NCKAP5: variants seen among roughly 807,000 people sequenced by gnomAD.
The protein encoded by NCKAP5 is NCK associated protein 5.
Under a neutral mutation model 167.0 loss-of-function variants are expected in NCKAP5, and 92 were observed. The ratio of observed to expected loss-of-function variants is 0.55; its 90% CI spans 0.47 to 0.66. The LOEUF (loss-of-function observed/expected upper bound fraction) is 0.66. Ranked by LOEUF, NCKAP5 falls within the 30% of genes least tolerant of loss-of-function variation. NCKAP5 has a pLI of 0.00. For synonymous variants in NCKAP5, 891 were observed against 877.4 expected (o/e 1.02, Z -0.27); for missense variants, 2,378 against 2,315.0 (o/e 1.03, Z -0.56).
At chr2:133,650,443 A>G in the NCKAP5 span, among the ~76,000 whole-genome samples, 1 of 152,232 alleles carries the variant, frequency 6.6e-6, no homozygotes, top group African/African-American at 2.4e-5. Context: ...TAAGTATTAC[A>G]CTTCCAGATT....
chr2:133,603,220 TTTTC>T, the NCKAP5 span, among the ~76,000 whole-genome samples: 1 of 116,680 alleles, frequency 8.6e-6, no homozygotes, highest in Non-Finnish European at 1.6e-5. Context: ...TTTTTTTTCT[TTTTC>T]TTTCTTTTTT....
intron 6 of NCKAP5, among the ~76,000 whole-genome samples, chr2:133,121,474 T>A (rs1488845107): frequency 6.6e-6 from 1 of 152,016 alleles, no homozygotes; most frequent in Non-Finnish European, 1.5e-5. Flanking sequence ...GCCGGCAGAG[T>A]CTCCTTTCTT....
chr2:132,794,565 G>C (rs1445981446), intron 12 of NCKAP5, among the ~76,000 whole-genome samples: 1 of 151,508 alleles, frequency 6.6e-6, no homozygotes, highest in African/African-American at 2.4e-5. Flanking sequence ...GAATCAGGGA[G>C]GTGGAGGTTG....
chr2:132,690,441 C>T (rs1472326441), intron 19 of NCKAP5, among the ~76,000 whole-genome samples: 1 of 152,182 alleles, frequency 6.6e-6, no homozygotes, highest in African/African-American at 2.4e-5. Flanking sequence ...GTACAGTTCA[C>T]ATGTGTTTCA....
At chr2:132,811,625 C>G (rs1464148021) in intron 11 of NCKAP5, among the ~76,000 whole-genome samples, 1 of 152,036 alleles carries the variant, frequency 6.6e-6, no homozygotes, top group East Asian at 1.9e-4. Context: ...CCCCCTGCCC[C>G]CTCAACAGCC....
the NCKAP5 span, among the ~76,000 whole-genome samples, chr2:133,663,184 T>C: frequency 6.7e-6 from 1 of 149,328 alleles, no homozygotes; most frequent in Non-Finnish European, 1.5e-5. Flanking sequence ...GAGAATGGCG[T>C]GAACCCGGGA....
At chr2:133,665,172 AT>A in the NCKAP5 span, among the ~76,000 whole-genome samples, 1 of 152,254 alleles carries the variant, frequency 6.6e-6, no homozygotes, top group Non-Finnish European at 1.5e-5. Context: ...AACACTTTTA[AT>A]TTTCTTCAAG....
At chr2:132,980,922 AG>A (rs1240338205) in intron 7 of NCKAP5, among the ~76,000 whole-genome samples, 1 of 152,194 alleles carries the variant, frequency 6.6e-6, no homozygotes, top group Non-Finnish European at 1.5e-5. Context: ...ACAATAAAAA[AG>A]GTTGTAGCAG....
At chr2:133,153,934 G>A (rs927353584) in intron 5 of NCKAP5, among the ~76,000 whole-genome samples, 7 of 148,312 alleles carry the variant, frequency 4.7e-5, no homozygotes, top group African/African-American at 1.8e-4. Flanking sequence ...CCCCCAAGAA[G>A]GGTTCAAGTG....
intron 3 of NCKAP5, among the ~76,000 whole-genome samples, chr2:133,504,600 T>A (rs887120344): frequency 2.6e-5 from 4 of 152,066 alleles, no homozygotes; most frequent in African/African-American, 9.7e-5. Flanking sequence ...AGGTGGCCAA[T>A]AAATGTTACC....
chr2:132,866,122 G>A (rs1172686435), intron 10 of NCKAP5, among the ~76,000 whole-genome samples: 2 of 152,118 alleles, frequency 1.3e-5, no homozygotes, highest in Non-Finnish European at 2.9e-5. Context: ...ACACATCATC[G>A]AAATATGTGT....
chr2:133,442,039 G>A (rs1482512541), intron 3 of NCKAP5, among the ~76,000 whole-genome samples: 2 of 152,094 alleles, frequency 1.3e-5, no homozygotes, highest in East Asian at 3.9e-4. Context: ...AAGACCCACT[G>A]GAGAAACACG....
At chr2:132,998,039 A>G (rs1009294251) in intron 6 of NCKAP5, among the ~76,000 whole-genome samples, 1 of 152,170 alleles carries the variant, frequency 6.6e-6, no homozygotes, top group Non-Finnish European at 1.5e-5. Flanking sequence ...TTTTCTAAAT[A>G]TTAGTCTACT....
intron 6 of NCKAP5, among the ~76,000 whole-genome samples, chr2:133,023,305 G>C (rs2078589574): frequency 6.6e-6 from 1 of 152,112 alleles, no homozygotes; most frequent in Admixed American, 6.6e-5. Flanking sequence ...TTTTCATACT[G>C]TCTCTTAGAC....
intron 16 of NCKAP5, among the ~76,000 whole-genome samples, chr2:132,743,892 A>C (rs1679420531): frequency 6.6e-6 from 1 of 151,770 alleles, no homozygotes; most frequent in South Asian, 2.1e-4. Flanking sequence ...AGCTAGAGTC[A>C]CTATGCTAAT....
At chr2:133,592,079 CACACAG>C in the NCKAP5 span, among the ~76,000 whole-genome samples, 1 of 129,432 alleles carries the variant, frequency 7.7e-6, no homozygotes, top group African/African-American at 3.1e-5. Flanking sequence ...CACACACACA[CACACAG>C]GGGTATGAAA....
chr2:133,149,979 C>CA (rs1236183977), intron 5 of NCKAP5, among the ~76,000 whole-genome samples: 2 of 152,108 alleles, frequency 1.3e-5, no homozygotes, highest in Non-Finnish European at 2.9e-5. Context: ...CACAATCCTC[C>CA]AATCAATTGT....
At chr2:133,573,715 T>C in the NCKAP5 span, among the ~76,000 whole-genome samples, 276 of 152,288 alleles carry the variant, frequency 1.8e-3, 1 homozygote, top group Admixed American at 2.9e-3. Flanking sequence ...TACTGTGAGA[T>C]TGACATTTTT....
At chr2:132,746,211 G>A (rs11890169) in intron 16 of NCKAP5, among the ~76,000 whole-genome samples, 18,255 of 151,934 alleles carry the variant, frequency 0.12, 1,174 homozygotes, top group East Asian at 0.14. Flanking sequence ...TTTGCACATA[G>A]GTCAGTGGAA....
Sources: allele counts gnomAD v4.1 joint callset (sites outside exome capture counted in the v4.1 genomes callset), GRCh38; gene constraint gnomAD v4.1.1; transcripts MANE v1.5; gene names NCBI Gene and HGNC (gene_info 2026-07-23, HGNC 2026-07-21).